ATRNL1: variants seen among roughly 807,000 people sequenced by gnomAD.
ATRNL1 encodes the protein attractin like 1.
Under a neutral mutation model 182.7 loss-of-function variants are expected in ATRNL1, and 95 were observed. The observed-to-expected ratio is 0.52, with a 90% CI of 0.44 to 0.62. The LOEUF is 0.62. Ranked by LOEUF, ATRNL1 falls within the 20% of genes least tolerant of loss-of-function variation. The probability of loss-of-function intolerance (pLI) is 0.00; values close to 1 mark genes in which losing one functional copy is unlikely to be tolerated. For synonymous variants in ATRNL1, 576 were observed against 568.3 expected, an observed-to-expected ratio of 1.01 and a Z score of -0.19; for missense variants, 1,471 against 1,679.5, an observed-to-expected ratio of 0.88 and a Z score of 2.17.
intron 26 of ATRNL1, among the ~76,000 whole-genome samples, chr10:115,613,261 C>G (rs569051734): frequency 6.6e-6 from 1 of 152,168 alleles, no homozygotes. Context: ...CTTTATCAAA[C>G]GTTTTGCCTA....
chr10:115,309,514 G>A, intron 17 of ATRNL1, among the ~76,000 whole-genome samples: 1 of 151,956 alleles, frequency 6.6e-6, no homozygotes, highest in East Asian at 1.9e-4. Flanking sequence ...ATATTCCTAG[G>A]TATTTTATTT....
chr10:115,514,917 A>G (rs1043000725), intron 24 of ATRNL1, among the ~76,000 whole-genome samples: 1 of 151,376 alleles, frequency 6.6e-6, no homozygotes, highest in Admixed American at 6.6e-5. Context: ...TTTTGTCTAT[A>G]TTTATTTTAT....
intron 21 of ATRNL1, among the ~76,000 whole-genome samples, chr10:115,460,259 T>G (rs1350868987): frequency 6.6e-6 from 1 of 152,110 alleles, no homozygotes; most frequent in Non-Finnish European, 1.5e-5. Context: ...CTACGCATGC[T>G]CCTGAGCTTG....
At chr10:115,850,429 A>G (rs1261675380) in intron 28 of ATRNL1, among the ~76,000 whole-genome samples, 2 of 152,064 alleles carry the variant, frequency 1.3e-5, no homozygotes, top group Non-Finnish European at 2.9e-5. Context: ...CTAAGTGACT[A>G]TTTTTTTCAG....
At chr10:115,176,895 A>G (rs782350798) in intron 8 of ATRNL1, among the ~76,000 whole-genome samples, 23 of 152,132 alleles carry the variant, frequency 1.5e-4, no homozygotes, top group Non-Finnish European at 2.4e-4. Context: ...GTAAAGTGCC[A>G]TATTCTTACT....
Position 115,512,676 on chromosome 10 carries a change from A to G in ATRNL1, c.3655-6587A>G, listed in dbSNP as rs149811966. 4.6e-3 allele frequency among the ~76,000 whole-genome samples: 701 copies of G among 152,016 alleles called. 6 individuals carry two copies. Among genetic ancestry groups the G allele is most frequent in the African/African-American group, 0.016 (663 of 41,500 alleles). On this transcript the variant is annotated intron_variant, in intron 24 of 28. Coordinates refer to ENST00000355044, the MANE Select transcript of ATRNL1 (RefSeq NM_207303.4). The stretch of plus-strand genomic sequence containing the variant: ...CAAGGCTACTGTTCTCGAGGAGCTT[A>G]CATTTTAGTGGGGAAAAGACATTTT...
intron 26 of ATRNL1, among the ~76,000 whole-genome samples, chr10:115,655,434 T>C (rs1185369346): frequency 2.0e-5 from 3 of 152,184 alleles, no homozygotes; most frequent in African/African-American, 7.2e-5. Flanking sequence ...TATTTTTTCT[T>C]CATAGATCGA....
At chr10:115,353,614 C>A (rs1389005922) in intron 19 of ATRNL1, among the ~76,000 whole-genome samples, 1 of 152,078 alleles carries the variant, frequency 6.6e-6, no homozygotes, top group Non-Finnish European at 1.5e-5. Context: ...TGTCATTTTT[C>A]TTCTGATTGT....
chr10:115,860,837 G>T (rs1951299468), intron 28 of ATRNL1, among the ~76,000 whole-genome samples: 1 of 152,120 alleles, frequency 6.6e-6, no homozygotes, highest in Non-Finnish European at 1.5e-5. Flanking sequence ...TAGAAATAGA[G>T]AACAGCTAAT....
At chr10:115,333,677 G>C (rs1855344683) in intron 18 of ATRNL1, among the ~76,000 whole-genome samples, 1 of 151,916 alleles carries the variant, frequency 6.6e-6, no homozygotes, top group Non-Finnish European at 1.5e-5. Context: ...AGTAGAGACA[G>C]GGTTTCACCA....
In ATRNL1 at chr10:115,127,721, CGTAA is replaced by C; in HGVS notation, c.620+4_620+7del. 2 of 1,415,430 alleles carry C rather than the reference CGTAA, an allele frequency of 1.4e-6. No homozygotes were observed. Among genetic ancestry groups the C allele is most frequent in the Non-Finnish European group, 1.9e-6 (2 of 1,076,490 alleles). The allele number at this position is 1,415,430 out of a possible 1,614,324, so 87.7% of individuals were successfully genotyped here. ...CTAACTGGTTTCAACATTTTCTATTCGTAAGTATTTTTTAAAAATTCCTTCTTTT... is the reference window on the plus strand; with the variant it reads ...CTAACTGGTTTCAACATTTTCTATTCGTATTTTTTAAAAATTCCTTCTTTT... On this transcript the variant is annotated splice_donor_variant and splice_donor_region_variant and intron_variant, in intron 4 of 28. Transcript: ENST00000355044. LOFTEE classifies it high-confidence loss of function.
intron 20 of ATRNL1, among the ~76,000 whole-genome samples, chr10:115,396,705 C>A (rs1211263455): frequency 1.3e-5 from 2 of 151,836 alleles, no homozygotes; most frequent in African/African-American, 4.8e-5. Context: ...TGTCAATCTT[C>A]TTAGTATAGT....
chr10:115,720,009 G>A lies in ATRNL1; in HGVS notation c.3796-7239G>A, dbSNP rs1332146470. Among the ~76,000 whole-genome samples, 8 of 151,838 alleles carry A rather than the reference G, an allele frequency of 5.3e-5. No individual in the cohort carries two copies. In the Middle Eastern group the frequency reaches 0.01, roughly 194 times the overall value. On this transcript the variant is annotated intron_variant, in intron 26 of 28. Transcript: ENST00000355044. ...TGAGTAGCTGGGATTACAGGTGTGCGCCACCAGGCCTGGATATATTTTTTG... is the reference window on the plus strand; with the variant it reads ...TGAGTAGCTGGGATTACAGGTGTGCACCACCAGGCCTGGATATATTTTTTG...
chr10:115,688,276 C>A (rs1946282546), intron 26 of ATRNL1, among the ~76,000 whole-genome samples: 1 of 152,076 alleles, frequency 6.6e-6, no homozygotes, highest in South Asian at 2.1e-4. Flanking sequence ...CTGGCAGTAA[C>A]CATGTGAGTC....
At chr10:115,799,831 T>G (rs1269136911) in intron 27 of ATRNL1, among the ~76,000 whole-genome samples, 1 of 152,220 alleles carries the variant, frequency 6.6e-6, no homozygotes, top group Non-Finnish European at 1.5e-5. Flanking sequence ...TAAAAATCTT[T>G]CAATATCAGA....
chr10:115,867,085 A>G (rs1465578687), intron 28 of ATRNL1, among the ~76,000 whole-genome samples: 2 of 152,194 alleles, frequency 1.3e-5, no homozygotes, highest in Admixed American at 6.5e-5. Context: ...GATGAATGTA[A>G]CTGCCTTTCT....
At chr10:115,449,513 C>T (rs558282173) in intron 21 of ATRNL1, among the ~76,000 whole-genome samples, 34 of 152,322 alleles carry the variant, frequency 2.2e-4, no homozygotes, top group Non-Finnish European at 4.4e-4. Flanking sequence ...GGTATGGACA[C>T]TTGAGCTATT....
At chr10:115,202,857 G>C (rs1445839363) in intron 8 of ATRNL1, among the ~76,000 whole-genome samples, 2 of 146,968 alleles carry the variant, frequency 1.4e-5, no homozygotes, top group African/African-American at 5.1e-5. Flanking sequence ...GAATCCATCT[G>C]GTCCTGGACT....
intron 27 of ATRNL1, among the ~76,000 whole-genome samples, chr10:115,772,981 G>T (rs552123638): frequency 1.3e-4 from 20 of 152,238 alleles, no homozygotes; most frequent in African/African-American, 4.8e-4. Context: ...CCAATAGGCG[G>T]TTTCAATTGA....
Sources: allele counts gnomAD v4.1 joint callset (sites outside exome capture counted in the v4.1 genomes callset), GRCh38; gene constraint gnomAD v4.1.1; transcripts MANE v1.5; gene names NCBI Gene and HGNC (gene_info 2026-07-23, HGNC 2026-07-21).